Variants in WASHC4 observed in about 807,000 individuals in gnomAD.
WASHC4 encodes the protein WASH complex subunit 7.
Under a neutral mutation model 166.6 loss-of-function variants are expected in WASHC4, and 86 were observed. The ratio of observed to expected loss-of-function variants is 0.52; its 90% CI spans 0.43 to 0.62. WASHC4 has a LOEUF of 0.62. Among genes scored for constraint, WASHC4 ranks in the 20% least tolerant of loss-of-function variants. The pLI is 0.00. For missense variants in WASHC4, 1,262 were observed against 1,382.4 expected (o/e 0.91, Z 1.38); for synonymous variants, 446 against 451.6 (o/e 0.99, Z 0.16).
At position 105,144,887 on chromosome 12, in the gene WASHC4, G is replaced by T. The variant is rs1883170547; in HGVS notation, c.2334+15G>T. 1 of 1,608,188 alleles carries T rather than the reference G, an allele frequency of 6.2e-7. No individual in the cohort carries two copies. The highest frequency in any genetic ancestry group is 2.2e-5 in the East Asian group (1 of 44,586). On this transcript the variant is annotated intron_variant, in intron 22 of 32. Coordinates refer to ENST00000332180, the MANE Select transcript of WASHC4 (RefSeq NM_015275.3). ...CTTTGGAACAGGTATAGTATAAAATGTTTTTTTTAGCATACTGTGACTGTT... is the reference window on the plus strand; with the variant it reads ...CTTTGGAACAGGTATAGTATAAAATTTTTTTTTTAGCATACTGTGACTGTT...
intron 6 of WASHC4, 119 bp from the exon 7 acceptor site, chr12:105,118,327 A>T: frequency 1.3e-6 from 1 of 762,152 alleles, no homozygotes; most frequent in Non-Finnish European, 2.4e-6. Flanking sequence ...CTTTTGGTTA[A>T]CTGGAGGCTT....
intron 30 of WASHC4, among the ~76,000 whole-genome samples, chr12:105,163,205 G>A (rs934300281): frequency 7.2e-5 from 11 of 152,110 alleles, no homozygotes; most frequent in Admixed American, 3.3e-4. Context: ...TGATCTGCCC[G>A]CCGCAGCCTC....
rs1474035527 is a variant in WASHC4, at chr12:105,167,573, A to G, written c.*642A>G. 6.6e-6 allele frequency: 1 copy of G among 152,604 alleles called. No homozygotes were observed. Among genetic ancestry groups the G allele is most frequent in the Non-Finnish European group, 1.5e-5 (1 of 68,020 alleles). 9.5% of individuals were successfully genotyped at this position (152,604 alleles called of 1,614,324 possible). ...ATAACTAGTTTACATTGCTTTGAGA[A>G]CATTTAACCTCCAACAGCTGCTTTA... On this transcript the variant is annotated 3_prime_UTR_variant, in exon 33 of 33. Coordinates refer to ENST00000332180, the MANE Select transcript of WASHC4 (RefSeq NM_015275.3).
rs79092886 is a variant in WASHC4, at chr12:105,150,499, T to G, written c.2649+750T>G. On this transcript the variant is annotated intron_variant, in intron 25 of 32. Coordinates refer to ENST00000332180, the MANE Select transcript of WASHC4 (RefSeq NM_015275.3). The stretch of plus-strand genomic sequence containing the variant: ...CACTGATAATTTATACGAATGCTGC[T>G]GTTAGCAGGGTGCAGTGGCTCATGC... Among the ~76,000 whole-genome samples the G allele has an allele frequency of 3.8e-3, 584 of 152,328 alleles. 4 individuals are homozygous for G. Among genetic ancestry groups the G allele is most frequent in the African/African-American group, 0.013 (559 of 41,568 alleles).
chr12:105,132,139 G>A (rs1374978054), intron 13 of WASHC4, among the ~76,000 whole-genome samples: 1 of 152,204 alleles, frequency 6.6e-6, no homozygotes, highest in Non-Finnish European at 1.5e-5. Context: ...CCATAAAGGA[G>A]AATTGCCCAT....
rs780507583 is a variant in WASHC4, at chr12:105,156,783, A to G, written c.2816A>G (p.Asn939Ser). ...TCTGGTGGTCTTCATTGTAGCAGCA[A>G]TGCCATTAGGTATGGATGCAAACAT... ...IRSGGLHCSS[N>S]AIRFVPDLED... Residue 939 changes from asparagine (N) to serine (S), a missense_variant, in exon 27 of 33, where the codon AAT (asparagine) becomes AGT (serine). Physicochemically the swap from Asn to Ser is conservative, Grantham distance 46. Transcript: ENST00000332180. 12 of 1,611,864 alleles carry G rather than the reference A, an allele frequency of 7.4e-6. No homozygotes were observed. The highest frequency in any genetic ancestry group is 2.2e-5 in the East Asian group (1 of 44,714).
At chr12:105,111,289 T>G (rs776870349) in intron 2 of WASHC4, 25 bp downstream of exon 2, 1 of 1,480,016 alleles carries the variant, frequency 6.8e-7, no homozygotes, top group South Asian at 1.2e-5. Context: ...TTTAAAAATA[T>G]ATGTATATAT....
Position 105,115,841 on chromosome 12 carries a change from A to G in WASHC4, c.435+113A>G, listed in dbSNP as rs1402194799. The G allele has an allele frequency of 4.0e-6, 3 of 744,012 alleles. No individual in the cohort carries two copies. The African/African-American group carries it at 5.2e-5, about 13-fold the overall frequency. 46.1% of individuals were successfully genotyped at this position (744,012 alleles called of 1,614,324 possible). A position where few individuals can be genotyped will look rare whatever the true frequency, so the allele number is the denominator to read the frequency against. On this transcript the variant is annotated intron_variant, in intron 6 of 32. Transcript: ENST00000332180. ...TACTAAAGATGTGTACTCTGAGGAT[A>G]AGACACTTAATTAGCATTGGATTAT...
At chr12:105,141,618 A>G (rs999057291) in intron 18 of WASHC4, among the ~76,000 whole-genome samples, 5 of 152,304 alleles carry the variant, frequency 3.3e-5, no homozygotes, top group African/African-American at 9.6e-5. Context: ...GTAGTGTTCT[A>G]TGATTTTATT....
chr12:105,168,615 AAATT>A lies in WASHC4; in HGVS notation c.*1690_*1693del, dbSNP rs1335421400. ...CTGTGTTCATTATCCCTACACATGT[AAATT>A]AATTATTTTATCAATACTAGATAGA... On this transcript the variant is annotated 3_prime_UTR_variant, in exon 33 of 33. Coordinates refer to ENST00000332180, the MANE Select transcript of WASHC4 (RefSeq NM_015275.3). The A allele has an allele frequency of 5.9e-5, 9 of 152,094 alleles. No individual in the cohort carries two copies. The highest frequency in any genetic ancestry group is 1.9e-4 in the African/African-American group (8 of 41,440). 9.4% of individuals were successfully genotyped at this position (152,094 alleles called of 1,614,324 possible). A position where few individuals can be genotyped will look rare whatever the true frequency, so the allele number is the denominator to read the frequency against.
chr12:105,149,505 C>A, intron 24 of WASHC4, 110 bp from the exon 25 acceptor site: 1 of 1,020,192 alleles, frequency 9.8e-7, no homozygotes, highest in South Asian at 2.2e-5. Context: ...TTAAATAGTA[C>A]TTTATAGGTA....
intron 6 of WASHC4, among the ~76,000 whole-genome samples, chr12:105,116,973 A>G (rs1245491283): frequency 6.6e-6 from 1 of 152,174 alleles, no homozygotes; most frequent in Admixed American, 6.5e-5. Flanking sequence ...TTTTCCAGCA[A>G]GGTGTCTAAA....
At chr12:105,156,658 T>C in intron 26 of WASHC4, 68 bp from the exon 27 acceptor site, 1 of 1,303,334 alleles carries the variant, frequency 7.7e-7, no homozygotes, top group Non-Finnish European at 1.1e-6. Context: ...CTACTGTATG[T>C]AACTATATTC....
At chr12:105,124,355 G>A (rs922902314) in intron 10 of WASHC4, among the ~76,000 whole-genome samples, 1 of 151,922 alleles carries the variant, frequency 6.6e-6, no homozygotes, top group Admixed American at 6.6e-5. Flanking sequence ...CCGACCTCAG[G>A]TGATCTGCCC....
At position 105,168,933 on chromosome 12, in the gene WASHC4, C is replaced by T. The variant is rs1469606221; in HGVS notation, c.*2002C>T. 1 of 152,300 alleles carries T rather than the reference C, an allele frequency of 6.6e-6. No individual in the cohort carries two copies. The highest frequency in any genetic ancestry group is 1.5e-5 in the Non-Finnish European group (1 of 67,936). 9.4% of individuals were successfully genotyped at this position (152,300 alleles called of 1,614,324 possible). The stretch of plus-strand genomic sequence containing the variant: ...ACTGTAATTTAAAAATTAATGTGAG[C>T]GTTTGTTTTAAGTTCACAGAAAACT... On this transcript the variant is annotated 3_prime_UTR_variant, in exon 33 of 33. Coordinates refer to ENST00000332180, the MANE Select transcript of WASHC4 (RefSeq NM_015275.3).
rs562093221 is a variant in WASHC4, at chr12:105,159,365, C to T, written c.2913-636C>T. The stretch of plus-strand genomic sequence containing the variant: ...GTCATGATAATGAATAGATTATCTG[C>T]ATAGACAGGGGAGAACTGGAGCAGG... On this transcript the variant is annotated intron_variant, in intron 28 of 32. Coordinates refer to ENST00000332180, the MANE Select transcript of WASHC4 (RefSeq NM_015275.3). 7.2e-5 allele frequency among the ~76,000 whole-genome samples: 11 copies of T among 152,272 alleles called. No homozygotes were observed. In the South Asian group the frequency reaches 1.9e-3, roughly 26 times the overall value.
intron 1 of WASHC4, among the ~76,000 whole-genome samples, chr12:105,108,835 A>G (rs1879347269): frequency 6.6e-6 from 1 of 152,176 alleles, no homozygotes; most frequent in Non-Finnish European, 1.5e-5. Flanking sequence ...ACTAATGCCT[A>G]CAATGTTAGA....
At chr12:105,155,473 CA>C (rs1456210181) in intron 26 of WASHC4, among the ~76,000 whole-genome samples, 1 of 312 alleles carries the variant, frequency 3.2e-3, no homozygotes, top group Admixed American at 0.028. Flanking sequence ...TGAACAGTAG[CA>C]GAGGGGTGCA....
At chr12:105,141,334 T>A in intron 18 of WASHC4, 88 bp downstream of exon 18, 1 of 971,558 alleles carries the variant, frequency 1.0e-6, no homozygotes, top group Non-Finnish European at 1.7e-6. Flanking sequence ...AGAGAAGAAA[T>A]AAAATTCAGA....
Sources: gnomAD v4.1 joint callset for allele counts (sites outside exome capture counted in the v4.1 genomes callset) on GRCh38, gnomAD v4.1.1 for gene constraint, MANE v1.5 for transcripts, NCBI Gene and HGNC (gene_info 2026-07-23, HGNC 2026-07-21) for gene names.